The following BRINP3 variants were observed in gnomAD, a reference collection of about 807,000 sequenced individuals.
The protein encoded by BRINP3 is BMP/retinoic acid-inducible neural-specific protein 3.
BRINP3 carries 19 observed loss-of-function variants against 71.0 expected under a neutral mutation model. The ratio of observed to expected loss-of-function variants is 0.27; its 90% CI spans 0.19 to 0.39. The LOEUF is 0.39. Among genes scored for constraint, BRINP3 ranks in the 10% least tolerant of loss-of-function variants. The probability of loss-of-function intolerance (pLI) is 1.00; values close to 1 mark genes in which losing one functional copy is unlikely to be tolerated. For missense variants in BRINP3, 959 were observed against 940.8 expected (o/e 1.02, Z -0.25); for synonymous variants, 380 against 337.7 (o/e 1.13, Z -1.37).
At chr1:190,393,989 T>C (rs1272992913) in intron 2 of BRINP3, among the ~76,000 whole-genome samples, 1 of 151,644 alleles carries the variant, frequency 6.6e-6, no homozygotes, top group Non-Finnish European at 1.5e-5. Flanking sequence ...CTTGAGAAAT[T>C]ACAAACTTCC....
intron 2 of BRINP3, among the ~76,000 whole-genome samples, chr1:190,377,300 A>G (rs934268645): frequency 3.3e-5 from 5 of 151,876 alleles, no homozygotes; most frequent in African/African-American, 9.7e-5. Flanking sequence ...CCTGCTTTTA[A>G]TCCCTTTAGA....
Position 190,226,091 on chromosome 1 carries a change from CA to C in BRINP3, c.951del (p.Phe317LeufsTer11). 6.3e-7 allele frequency: 1 copy of C among 1,584,024 alleles called. No individual in the cohort carries two copies. ...TETWKAYNSDFEESDEFKLFM... is the reference protein window; with the variant it reads ...TETWKAYNSDXEESDEFKLFM... ...AAAATACATGTCTTACCTGATTCCT[CA>C]AAGTCACTGTTGTAAGCTTTCCAGG... On this transcript the variant is annotated frameshift_variant, in exon 6 of 8. Transcript: ENST00000367462. LOFTEE classifies it high-confidence loss of function.
chr1:190,102,558 C>T (rs569405111), intron 7 of BRINP3, among the ~76,000 whole-genome samples: 1 of 151,962 alleles, frequency 6.6e-6, no homozygotes, highest in African/African-American at 2.4e-5. Flanking sequence ...GGCAATATCC[C>T]TGACATCTGC....
chr1:190,465,336 G>C (rs1009650414), intron 1 of BRINP3, among the ~76,000 whole-genome samples: 3 of 151,944 alleles, frequency 2.0e-5, no homozygotes, highest in Admixed American at 6.6e-5. Context: ...GGAACGCTTT[G>C]ACAAAGACTC....
intron 2 of BRINP3, among the ~76,000 whole-genome samples, chr1:190,318,962 T>C (rs1489754417): frequency 6.6e-6 from 1 of 152,142 alleles, no homozygotes; most frequent in Admixed American, 6.6e-5. Flanking sequence ...TTTCACTTAT[T>C]TTATGAATTG....
chr1:190,169,882 C>T lies in BRINP3; in HGVS notation c.962-8992G>A, dbSNP rs1166615743. Among the ~76,000 whole-genome samples, 4 of 152,088 alleles carry T rather than the reference C, an allele frequency of 2.6e-5. No homozygotes were observed. In the South Asian group the frequency reaches 6.2e-4, roughly 24 times the overall value. On this transcript the variant is annotated intron_variant, in intron 6 of 7. Coordinates refer to ENST00000367462, the MANE Select transcript of BRINP3 (RefSeq NM_199051.3). ...GCTCAGCACTTTACATGGATTAGCC[C>T]GTTTAATCCTTACAGCAGTCCTAGG...
At chr1:190,199,449 G>T (rs2102604477) in intron 6 of BRINP3, among the ~76,000 whole-genome samples, 1 of 152,184 alleles carries the variant, frequency 6.6e-6, no homozygotes, top group Non-Finnish European at 1.5e-5. Flanking sequence ...TCCAACGTTT[G>T]ATAGACCAGA....
Position 190,271,155 on chromosome 1 carries a change from G to A in BRINP3, c.428-6100C>T, listed in dbSNP as rs569990663. On this transcript the variant is annotated intron_variant, in intron 3 of 7. Coordinates refer to ENST00000367462, the MANE Select transcript of BRINP3 (RefSeq NM_199051.3). ...ATTAATTGAAAATCTATATGTTGTTGAACAGAAGAGATAATTAGACCAATA... is the reference window on the plus strand; with the variant it reads ...ATTAATTGAAAATCTATATGTTGTTAAACAGAAGAGATAATTAGACCAATA... 5.3e-5 allele frequency among the ~76,000 whole-genome samples: 8 copies of A among 151,672 alleles called. No individual in the cohort carries two copies. In the South Asian group the frequency reaches 1.5e-3, roughly 27 times the overall value.
intron 2 of BRINP3, among the ~76,000 whole-genome samples, chr1:190,331,853 G>A (rs1666985007): frequency 3.3e-5 from 5 of 152,012 alleles, no homozygotes. Context: ...GCTTAGCAAT[G>A]TCACTAGGCT....
chr1:190,385,997 C>T (rs1238877911), intron 2 of BRINP3, among the ~76,000 whole-genome samples: 4 of 145,602 alleles, frequency 2.7e-5, no homozygotes, highest in Non-Finnish European at 6.0e-5. Flanking sequence ...AACCAAACAC[C>T]GCATATTCTC....
intron 6 of BRINP3, among the ~76,000 whole-genome samples, chr1:190,161,338 A>G (rs531930353): frequency 1.3e-3 from 202 of 151,930 alleles, no homozygotes; most frequent in Non-Finnish European, 2.3e-3. Context: ...GAAAATATAT[A>G]AAACCAAATA....
chr1:190,331,727 T>C (rs1666975585), intron 2 of BRINP3, among the ~76,000 whole-genome samples: 1 of 152,026 alleles, frequency 6.6e-6, no homozygotes, highest in Admixed American at 6.6e-5. Flanking sequence ...ATGGAAACAG[T>C]AGATCACCTA....
chr1:190,187,871 G>T (rs1653675491), intron 6 of BRINP3, among the ~76,000 whole-genome samples: 4 of 150,614 alleles, frequency 2.7e-5, no homozygotes, highest in Admixed American at 2.7e-4. Flanking sequence ...AGAGGCTTTT[G>T]CAGTATCGTT....
At chr1:190,218,731 TC>T (rs139921380) in intron 6 of BRINP3, among the ~76,000 whole-genome samples, 21,439 of 151,788 alleles carry the variant, frequency 0.14, 2,008 homozygotes, top group South Asian at 0.27. Flanking sequence ...TCCTCATACC[TC>T]CCCCCACCCT....
chr1:190,102,561 A>C (rs1048559692), intron 7 of BRINP3, among the ~76,000 whole-genome samples: 1 of 152,076 alleles, frequency 6.6e-6, no homozygotes, highest in Non-Finnish European at 1.5e-5. Flanking sequence ...AATATCCCTG[A>C]CATCTGCTTA....
intron 2 of BRINP3, among the ~76,000 whole-genome samples, chr1:190,317,195 C>A (rs577069211): frequency 3.5e-5 from 5 of 143,040 alleles, no homozygotes; most frequent in African/African-American, 1.0e-4. Context: ...AAAAAAAAGT[C>A]TCTAAAATAC....
chr1:190,436,634 T>C (rs1674475988), intron 2 of BRINP3, among the ~76,000 whole-genome samples: 1 of 151,874 alleles, frequency 6.6e-6, no homozygotes, highest in South Asian at 2.1e-4. Flanking sequence ...TGTCTATTCT[T>C]AAATAAAATT....
chr1:190,176,273 T>G (rs1652499597), intron 6 of BRINP3, among the ~76,000 whole-genome samples: 1 of 152,144 alleles, frequency 6.6e-6, no homozygotes, highest in South Asian at 2.1e-4. Flanking sequence ...AGGCCAAGTT[T>G]GTTGAGAGAT....
intron 2 of BRINP3, among the ~76,000 whole-genome samples, chr1:190,430,919 A>C (rs1287675513): frequency 6.6e-6 from 1 of 152,152 alleles, no homozygotes; most frequent in East Asian, 1.9e-4. Context: ...AAACTACTTA[A>C]ATCTGTTTAT....
Sources: allele counts gnomAD v4.1 joint callset (sites outside exome capture counted in the v4.1 genomes callset), GRCh38; gene constraint gnomAD v4.1.1; transcripts MANE v1.5; gene names NCBI Gene and HGNC (gene_info 2026-07-23, HGNC 2026-07-21).